LINGO1: variants seen among roughly 807,000 people sequenced by gnomAD.
LINGO1 encodes the protein leucine rich repeat and Ig domain containing 1.
LINGO1 carries 11 observed loss-of-function variants against 37.3 expected under a neutral mutation model. That is an observed-to-expected ratio of 0.29 (90% confidence interval 0.19 to 0.49). The LOEUF (loss-of-function observed/expected upper bound fraction) is 0.49. Ranked by LOEUF, LINGO1 falls within the 20% of genes least tolerant of loss-of-function variation. The probability of loss-of-function intolerance (pLI) is 0.99; values close to 1 mark genes in which losing one functional copy is unlikely to be tolerated. For synonymous variants in LINGO1, 387 were observed against 403.0 expected, an observed-to-expected ratio of 0.96 and a Z score of 0.48; for missense variants, 585 against 878.2, an observed-to-expected ratio of 0.67 and a Z score of 4.22.
intron 1 of LINGO1, among the ~76,000 whole-genome samples, chr15:77,815,259 C>T (rs965557845): frequency 7.2e-5 from 11 of 152,220 alleles, no homozygotes; most frequent in South Asian, 2.1e-4. Context: ...TGCCTAAGGA[C>T]GTCCTCTGCA....
intron 3 of LINGO1, among the ~76,000 whole-genome samples, chr15:77,659,466 A>ACTT (rs1293604052): frequency 6.6e-6 from 1 of 152,194 alleles, no homozygotes; most frequent in Non-Finnish European, 1.5e-5. Flanking sequence ...TTCGGTTCCC[A>ACTT]CTTTGTCACA....
intron 1 of LINGO1, among the ~76,000 whole-genome samples, chr15:77,743,577 G>A (rs1467024463): frequency 6.6e-6 from 1 of 152,166 alleles, no homozygotes; most frequent in Non-Finnish European, 1.5e-5. Flanking sequence ...ACAGAGTAGG[G>A]AATGATTTTG....
intron 1 of LINGO1, among the ~76,000 whole-genome samples, chr15:77,815,716 A>T (rs1367664934): frequency 6.6e-6 from 1 of 151,956 alleles, no homozygotes; most frequent in Non-Finnish European, 1.5e-5. Flanking sequence ...GACCTAGATC[A>T]CCCCACCCAG....
chr15:77,706,057 T>C (rs1045698996), intron 2 of LINGO1, among the ~76,000 whole-genome samples: 6 of 152,180 alleles, frequency 3.9e-5, no homozygotes, highest in African/African-American at 1.4e-4. Flanking sequence ...GTCTGTAAGA[T>C]GGGGATAATA....
At chr15:77,677,513 C>G (rs557332180) in intron 2 of LINGO1, among the ~76,000 whole-genome samples, 6 of 152,120 alleles carry the variant, frequency 3.9e-5, no homozygotes, top group Non-Finnish European at 7.3e-5. Context: ...TGCACAGATA[C>G]ACAGATGGAC....
At chr15:77,642,171 G>A (rs985120335) in intron 3 of LINGO1, among the ~76,000 whole-genome samples, 5 of 152,272 alleles carry the variant, frequency 3.3e-5, no homozygotes, top group African/African-American at 7.2e-5. Context: ...TGAGGCTTCC[G>A]TCTGCCTGGC....
chr15:77,752,294 T>G (rs1470967588), intron 1 of LINGO1, among the ~76,000 whole-genome samples: 1 of 152,206 alleles, frequency 6.6e-6, no homozygotes, highest in African/African-American at 2.4e-5. Flanking sequence ...GACAGGAGCC[T>G]AACAGTAAAG....
At chr15:77,699,774 T>TACTAACCA (rs2075757887), upstream of LINGO1, among the ~76,000 whole-genome samples, 1 of 9,074 alleles carries the variant, frequency 1.1e-4, no homozygotes, top group Admixed American at 9.2e-4. Context: ...CTAACCATCA[T>TACTAACCA]TCCCCCCCTC....
chr15:77,628,911 G>A (rs914622630), intron 1 of LINGO1, among the ~76,000 whole-genome samples: 3 of 152,260 alleles, frequency 2.0e-5, no homozygotes, highest in Admixed American at 2.0e-4. Context: ...CCACCTACAA[G>A]GATAAGATCA....
At chr15:77,646,524 G>A (rs1478483710) in intron 3 of LINGO1, 1 of 444,758 alleles carries the variant, frequency 2.2e-6, no homozygotes, top group Non-Finnish European at 4.5e-6. Flanking sequence ...AAGTCTGTAA[G>A]CAGGTGTGGC....
At chr15:77,741,428 C>T (rs1371880007) in intron 1 of LINGO1, among the ~76,000 whole-genome samples, 2 of 152,200 alleles carry the variant, frequency 1.3e-5, no homozygotes, top group Non-Finnish European at 2.9e-5. Context: ...ACCCCTTACC[C>T]CAGCCACCTT....
chr15:77,710,868 G>A (rs1383634604), intron 2 of LINGO1, among the ~76,000 whole-genome samples: 4 of 152,276 alleles, frequency 2.6e-5, no homozygotes. Flanking sequence ...ATGGTGCCAG[G>A]CCATGGAGGA....
chr15:77,683,166 T>A (rs1314197865), intron 2 of LINGO1, among the ~76,000 whole-genome samples: 2 of 152,186 alleles, frequency 1.3e-5, no homozygotes, highest in Admixed American at 6.5e-5. Context: ...AGAGTGAGTG[T>A]GGAGACCATA....
intron 1 of LINGO1, among the ~76,000 whole-genome samples, chr15:77,759,327 G>T (rs1035336034): frequency 2.6e-5 from 4 of 152,170 alleles, no homozygotes; most frequent in Non-Finnish European, 5.9e-5. Context: ...GGACTGGAAA[G>T]CTCTGCCCAG....
chr15:77,699,234 T>A (rs1173740155), upstream of LINGO1, among the ~76,000 whole-genome samples: 1 of 143,188 alleles, frequency 7.0e-6, no homozygotes, highest in Non-Finnish European at 1.5e-5. Flanking sequence ...CTGGGGTGGC[T>A]CCAACCTCAC....
intron 1 of LINGO1, among the ~76,000 whole-genome samples, chr15:77,747,992 C>T (rs1267088838): frequency 6.6e-6 from 1 of 152,232 alleles, no homozygotes; most frequent in African/African-American, 2.4e-5. Context: ...AAAGGGCGCA[C>T]AGCTGGTGTG....
At chr15:77,776,667 G>A (rs1012123367) in intron 1 of LINGO1, among the ~76,000 whole-genome samples, 8 of 152,128 alleles carry the variant, frequency 5.3e-5, no homozygotes, top group Non-Finnish European at 8.8e-5. Context: ...TTATGAAGAA[G>A]AAAACAAGCC....
At chr15:77,667,873 G>T (rs751375166) in intron 3 of LINGO1, 1 of 152,214 alleles carries the variant, frequency 6.6e-6, no homozygotes, top group Non-Finnish European at 1.5e-5. Context: ...CCTCCAGCTG[G>T]ATTCATTCAT....
At position 77,718,284 on chromosome 15, in the gene LINGO1, G is replaced by A. The variant is rs891764213; in HGVS notation, c.-195+16708C>T. On this transcript the variant is annotated intron_variant, in intron 2 of 3. Transcript: ENST00000561686. ...TGGAGAAGTGCAGCACCCCAGACACGCGGGTTTAACAGCCACATGTATGAA... is the reference window on the plus strand; with the variant it reads ...TGGAGAAGTGCAGCACCCCAGACACACGGGTTTAACAGCCACATGTATGAA... Among the ~76,000 whole-genome samples, 6 of 151,006 alleles carry A rather than the reference G, an allele frequency of 4.0e-5. 1 individual carries two copies. The highest frequency in any genetic ancestry group is 4.2e-4 in the South Asian group (2 of 4,718).
Sources: allele counts gnomAD v4.1 joint callset (sites outside exome capture counted in the v4.1 genomes callset), GRCh38; gene constraint gnomAD v4.1.1; transcripts MANE v1.5; gene names NCBI Gene and HGNC (gene_info 2026-07-23, HGNC 2026-07-21).